Variants in MBNL1 observed in about 807,000 individuals in gnomAD.
The protein encoded by MBNL1 is muscleblind-like protein 1.
Under a neutral mutation model 42.2 loss-of-function variants are expected in MBNL1, and 8 were observed. The ratio of observed to expected loss-of-function variants is 0.19; its 90% confidence interval spans 0.11 to 0.34. MBNL1 has a LOEUF of 0.34. MBNL1 is among the 10% of genes least tolerant of loss of function. The probability of loss-of-function intolerance (pLI) is 1.00; values close to 1 mark genes in which losing one functional copy is unlikely to be tolerated. For missense variants in MBNL1, 309 were observed against 495.3 expected (o/e 0.62, Z 3.57); for synonymous variants, 169 against 173.9 (o/e 0.97, Z 0.22).
At position 152,353,368 on chromosome 3, in the gene MBNL1, G is replaced by A. The variant is rs548121691; in HGVS notation, c.174+53001G>A. 1.6e-4 allele frequency among the ~76,000 whole-genome samples: 24 copies of A among 152,292 alleles called. No individual in the cohort carries two copies. In the Middle Eastern group the frequency reaches 0.01, roughly 65 times the overall value. ...CCACCATTTACGCTTAGTGTCTTTT[G>A]GCTAGAATAATGTGCCACCAACTTA... is the stretch of plus-strand genomic sequence containing the variant. On this transcript the variant is annotated intron_variant, in intron 2 of 9. Coordinates refer to ENST00000324210, the MANE Select transcript of MBNL1 (RefSeq NM_021038.5).
chr3:152,420,787 T>C (rs1473361758), intron 3 of MBNL1, among the ~76,000 whole-genome samples: 1 of 152,150 alleles, frequency 6.6e-6, no homozygotes, highest in African/African-American at 2.4e-5. Flanking sequence ...TTGACAGAAG[T>C]AGGCTTCAGA....
chr3:152,398,894 A>G (rs1226917201), intron 2 of MBNL1, among the ~76,000 whole-genome samples: 2 of 152,262 alleles, frequency 1.3e-5, no homozygotes, highest in Non-Finnish European at 2.9e-5. Flanking sequence ...CCAATGTATG[A>G]TATTTCCTCT....
chr3:152,295,795 G>A (rs957924963), intron 1 of MBNL1, among the ~76,000 whole-genome samples: 39 of 152,206 alleles, frequency 2.6e-4, no homozygotes, highest in African/African-American at 9.4e-4. Context: ...CAGGGAGTTA[G>A]CATGTAACAA....
intron 9 of MBNL1, among the ~76,000 whole-genome samples, chr3:152,460,686 G>A (rs1291658320): frequency 6.6e-6 from 1 of 150,888 alleles, no homozygotes; most frequent in African/African-American, 2.4e-5. Flanking sequence ...ATAGGAATAT[G>A]TTTTGTCCAG....
chr3:152,397,808 C>CA (rs1289336803), intron 2 of MBNL1, among the ~76,000 whole-genome samples: 1 of 152,120 alleles, frequency 6.6e-6, no homozygotes, highest in African/African-American at 2.4e-5. Flanking sequence ...ACCTTCCCCC[C>CA]ACCATAAACC....
At chr3:152,261,613 C>G (rs2149505735) in intron 2 of MBNL1, among the ~76,000 whole-genome samples, 1 of 152,174 alleles carries the variant, frequency 6.6e-6, no homozygotes, top group East Asian at 1.9e-4. Context: ...CTAGGGGAGG[C>G]AAAGAGAGAG....
At chr3:152,350,819 T>A (rs1578449464) in intron 2 of MBNL1, among the ~76,000 whole-genome samples, 1 of 152,236 alleles carries the variant, frequency 6.6e-6, no homozygotes. Flanking sequence ...TTTTTAAAAA[T>A]ATTTTATTTT....
rs75232171 is a variant in MBNL1, at chr3:152,403,180, C to G, written c.175-11761C>G. On this transcript the variant is annotated intron_variant, in intron 2 of 9. Transcript: ENST00000324210. ...GTGTGACAACCTTCTGTGCTTTCCCCTCTCACGTTCACATTCTGGTTTGTT... is the reference window on the plus strand; with the variant it reads ...GTGTGACAACCTTCTGTGCTTTCCCGTCTCACGTTCACATTCTGGTTTGTT... Among the ~76,000 whole-genome samples, 927 of 148,164 alleles carry G rather than the reference C, an allele frequency of 6.3e-3. 10 individuals are homozygous for G. The highest frequency in any genetic ancestry group is 0.021 in the African/African-American group (855 of 40,076).
chr3:152,317,533 T>C (rs2072785375), intron 2 of MBNL1, among the ~76,000 whole-genome samples: 1 of 152,158 alleles, frequency 6.6e-6, no homozygotes, highest in African/African-American at 2.4e-5. Context: ...TTACCCAGGC[T>C]GGCCTTGAAA....
At chr3:152,418,756 G>GC (rs1276971742) in intron 3 of MBNL1, among the ~76,000 whole-genome samples, 1 of 116,432 alleles carries the variant, frequency 8.6e-6, no homozygotes, top group Non-Finnish European at 1.7e-5. Flanking sequence ...TCACTCTGTT[G>GC]CCCAGGCTGG....
intron 3 of MBNL1, among the ~76,000 whole-genome samples, chr3:152,416,004 ATCTG>A (rs1425897207): frequency 6.6e-6 from 1 of 152,254 alleles, no homozygotes. Flanking sequence ...ATCAGAATAT[ATCTG>A]TCAGTAATTT....
At chr3:152,285,133 C>G (rs1253718899) in intron 1 of MBNL1, among the ~76,000 whole-genome samples, 1 of 152,140 alleles carries the variant, frequency 6.6e-6, no homozygotes, top group African/African-American at 2.4e-5. Context: ...TCAGGGGTTT[C>G]TCCTTCACTT....
At chr3:152,317,885 TA>T (rs2152316092) in intron 2 of MBNL1, among the ~76,000 whole-genome samples, 1 of 152,370 alleles carries the variant, frequency 6.6e-6, no homozygotes, top group South Asian at 2.1e-4. Flanking sequence ...GTAGTGGACT[TA>T]AATGTATACA....
At chr3:152,428,979 G>A (rs769941210) in intron 3 of MBNL1, among the ~76,000 whole-genome samples, 11 of 152,122 alleles carry the variant, frequency 7.2e-5, no homozygotes, top group South Asian at 2.1e-4. Context: ...ATTCACTCAA[G>A]TACTAATTCA....
intron 1 of MBNL1, among the ~76,000 whole-genome samples, chr3:152,292,491 G>C (rs1375533098): frequency 6.6e-6 from 1 of 152,170 alleles, no homozygotes; most frequent in Admixed American, 6.5e-5. Context: ...CTAAAAGACT[G>C]CTTCGACAGA....
chr3:152,447,556 G>C, intron 5 of MBNL1, 64 bp from the exon 6 acceptor site: 1 of 1,371,424 alleles, frequency 7.3e-7, no homozygotes, highest in Non-Finnish European at 1.0e-6. Flanking sequence ...GCCTTCGACT[G>C]ATTTTTCTTT....
chr3:152,351,703 A>G (rs1279573132), intron 2 of MBNL1, among the ~76,000 whole-genome samples: 1 of 152,162 alleles, frequency 6.6e-6, no homozygotes, highest in East Asian at 1.9e-4. Flanking sequence ...TAGCTATGCA[A>G]TCAGATACAA....
chr3:152,295,936 G>A (rs2058374609), intron 1 of MBNL1, among the ~76,000 whole-genome samples: 1 of 152,190 alleles, frequency 6.6e-6, no homozygotes, highest in Non-Finnish European at 1.5e-5. Context: ...AAAGGGAAAG[G>A]TTCAAGAAAG....
At chr3:152,414,139 A>C (rs559566586) in intron 2 of MBNL1, among the ~76,000 whole-genome samples, 15 of 152,352 alleles carry the variant, frequency 9.8e-5, no homozygotes, top group Admixed American at 7.8e-4. Flanking sequence ...TATTCAAGGA[A>C]GGTACTAGAA....
Sources: gnomAD v4.1 joint callset for allele counts (sites outside exome capture counted in the v4.1 genomes callset) on GRCh38, gnomAD v4.1.1 for gene constraint, MANE v1.5 for transcripts, NCBI Gene and HGNC (gene_info 2026-07-23, HGNC 2026-07-21) for gene names.